PPIL6: variants seen among roughly 807,000 people sequenced by gnomAD.
The protein encoded by PPIL6 is probable inactive peptidyl-prolyl cis-trans isomerase-like 6.
PPIL6 carries 39 observed loss-of-function variants against 36.8 expected under a neutral mutation model. The ratio of observed to expected loss-of-function variants is 1.06; its 90% CI spans 0.82 to 1.38. PPIL6 has a LOEUF of 1.38. Among genes scored for constraint, PPIL6 ranks in the 40% most tolerant of loss-of-function variants. PPIL6 has a pLI of 0.00. For synonymous variants in PPIL6, 123 were observed against 134.1 expected (o/e 0.92, Z 0.57); for missense variants, 368 against 379.1 (o/e 0.97, Z 0.24).
In PPIL6 at chr6:109,435,757, T is replaced by G. The variant is rs1302491858; in HGVS notation, c.231+347A>C. Among the ~76,000 whole-genome samples the G allele has an allele frequency of 2.0e-5, 3 of 152,256 alleles. No individual in the cohort carries two copies. The East Asian group carries it at 5.8e-4, about 30-fold the overall frequency. On this transcript the variant is annotated intron_variant, in intron 2 of 7. Coordinates refer to ENST00000521072, the MANE Select transcript of PPIL6 (RefSeq NM_173672.5). ...CTGGGCAACATGGTGAAACCCCATC[T>G]GTTAAAAAAATACAAAAACTAGCTA...
chr6:109,436,372 G>C (rs1774448632), intron 1 of PPIL6, among the ~76,000 whole-genome samples, 173 bp from the exon 2 acceptor site: 2 of 152,138 alleles, frequency 1.3e-5, no homozygotes, highest in African/African-American at 4.8e-5. Context: ...TCACCTCCAA[G>C]TTGCTCCCCA....
At chr6:109,431,063 T>A (rs1774118988) in intron 3 of PPIL6, 94 bp downstream of exon 3, 1 of 895,452 alleles carries the variant, frequency 1.1e-6, no homozygotes, top group Non-Finnish European at 1.7e-6. Context: ...TACTTTTTTA[T>A]AATCTCCTTC....
intron 3 of PPIL6, among the ~76,000 whole-genome samples, chr6:109,430,586 C>A (rs151316962): frequency 0.051 from 7,703 of 152,230 alleles, 358 homozygotes; most frequent in East Asian, 0.2. Flanking sequence ...GCCACCACGC[C>A]CAGCTAATTT....
chr6:109,420,870 T>G (rs372818330), intron 5 of PPIL6, among the ~76,000 whole-genome samples: 1 of 152,226 alleles, frequency 6.6e-6, no homozygotes, highest in Non-Finnish European at 1.5e-5. Context: ...TAAATTATAC[T>G]ACTCAGAAAG....
At chr6:109,430,327 A>C (rs1007104178) in intron 3 of PPIL6, among the ~76,000 whole-genome samples, 16 of 152,140 alleles carry the variant, frequency 1.1e-4, no homozygotes, top group African/African-American at 3.9e-4. Context: ...CCTGATAACT[A>C]TCTCTCATCC....
chr6:109,404,171 T>C (rs2115207707), intron 6 of PPIL6, among the ~76,000 whole-genome samples: 1 of 152,108 alleles, frequency 6.6e-6, no homozygotes, highest in Non-Finnish European at 1.5e-5. Flanking sequence ...AGTCTAAGGA[T>C]GGGGTGAGGG....
At chr6:109,407,493 C>A (rs904821505) in intron 6 of PPIL6, among the ~76,000 whole-genome samples, 1 of 152,078 alleles carries the variant, frequency 6.6e-6, no homozygotes, top group Non-Finnish European at 1.5e-5. Flanking sequence ...CCCGCCTCGG[C>A]CTCCCAAGGT....
intron 7 of PPIL6, among the ~76,000 whole-genome samples, chr6:109,395,922 G>A (rs1230840279): frequency 6.2e-5 from 9 of 144,202 alleles, no homozygotes; most frequent in East Asian, 4.2e-4. Flanking sequence ...TGCAAGCTCC[G>A]CCTCCCGGGT....
intron 7 of PPIL6, among the ~76,000 whole-genome samples, chr6:109,393,927 A>G (rs1772195041): frequency 6.6e-6 from 1 of 152,148 alleles, no homozygotes; most frequent in South Asian, 2.1e-4. Flanking sequence ...GAAACCTTAC[A>G]TTTATTTGTA....
At chr6:109,434,624 G>A (rs1201813193) in intron 2 of PPIL6, among the ~76,000 whole-genome samples, 3 of 152,148 alleles carry the variant, frequency 2.0e-5, no homozygotes, top group South Asian at 2.1e-4. Context: ...TCATAAAACC[G>A]TGCTGCTTCC....
At position 109,392,738 on chromosome 6, in the gene PPIL6, C is replaced by G; in HGVS notation, c.*88G>C. 1 of 835,558 alleles carries G rather than the reference C, an allele frequency of 1.2e-6. No homozygotes were observed. Among genetic ancestry groups the G allele is most frequent in the African/African-American group, 1.7e-5 (1 of 57,702 alleles). The allele number at this position is 835,558 out of a possible 1,614,324, so 51.8% of individuals were successfully genotyped here. On this transcript the variant is annotated 3_prime_UTR_variant, in exon 8 of 8. Coordinates refer to ENST00000521072, the MANE Select transcript of PPIL6 (RefSeq NM_173672.5). ...AGTGTCTGCCACGGCTTTCAAATTACAATTTATCAAGTACTTTTTAATTAA... is the reference window on the plus strand; with the variant it reads ...AGTGTCTGCCACGGCTTTCAAATTAGAATTTATCAAGTACTTTTTAATTAA...
intron 1 of PPIL6, among the ~76,000 whole-genome samples, chr6:109,438,381 A>T (rs1436642598): frequency 6.6e-6 from 1 of 151,968 alleles, no homozygotes; most frequent in Non-Finnish European, 1.5e-5. Flanking sequence ...GTTCAAGACC[A>T]GCCTAGGCAA....
chr6:109,440,509 C>T lies in PPIL6; in HGVS notation c.82G>A (p.Val28Met). 2.0e-6 allele frequency: 3 copies of T among 1,524,756 alleles called. No homozygotes were observed. The highest frequency in any genetic ancestry group is 2.1e-5 in the Admixed American group (1 of 47,952). 94.5% of individuals were successfully genotyped at this position (1,524,756 alleles called of 1,614,324 possible). A position where few individuals can be genotyped will look rare whatever the true frequency, so the allele number is the denominator to read the frequency against. ...TTGGGGCAGCTGAAGAGCCCCACCA[C>T]CTTCACCTGCAGCGGCCGCTCCGGC... ...SLPERPLQVK[V>M]VGLFSCPNFQ... Residue 28 changes from valine to methionine, a missense_variant, in exon 1 of 8, where the codon GTG becomes ATG. Coordinates refer to ENST00000521072, the MANE Select transcript of PPIL6 (RefSeq NM_173672.5).
intron 7 of PPIL6, among the ~76,000 whole-genome samples, chr6:109,399,823 G>A (rs1772453984): frequency 6.6e-6 from 1 of 152,206 alleles, no homozygotes; most frequent in African/African-American, 2.4e-5. Flanking sequence ...TTATATGCCT[G>A]AGCCACTGTG....
Position 109,420,332 on chromosome 6 carries a change from CAAAAAAAAAAAAAAAAAAA to C in PPIL6, c.632-1108_632-1090del, listed in dbSNP as rs564751735. Among the ~76,000 whole-genome samples, 152 of 50,966 alleles carry C rather than the reference CAAAAAAAAAAAAAAAAAAA, an allele frequency of 3.0e-3. 1 individual carries two copies. The East Asian group carries it at 0.066, about 22-fold the overall frequency. 33.4% of individuals were successfully genotyped at this position (50,966 alleles called of 152,430 possible). ...TGGGCGACAGTGTGAGACTCCATCT[CAAAAAAAAAAAAAAAAAAA>C]AAAAAAAAAAAGAATATGAATAAAA... is the stretch of plus-strand genomic sequence containing the variant. On this transcript the variant is annotated intron_variant, in intron 5 of 7. Coordinates refer to ENST00000521072, the MANE Select transcript of PPIL6 (RefSeq NM_173672.5).
intron 5 of PPIL6, among the ~76,000 whole-genome samples, chr6:109,423,629 T>C (rs1386428118): frequency 2.0e-5 from 3 of 151,748 alleles, no homozygotes; most frequent in African/African-American, 4.8e-5. Flanking sequence ...ACCCATTTTA[T>C]ATATATATAT....
At chr6:109,420,402 G>T (rs1021350133) in intron 5 of PPIL6, among the ~76,000 whole-genome samples, 2 of 142,332 alleles carry the variant, frequency 1.4e-5, no homozygotes, top group African/African-American at 5.2e-5. Context: ...CAGAATTCAT[G>T]TTCAAAATTT....
intron 2 of PPIL6, among the ~76,000 whole-genome samples, 184 bp downstream of exon 2, chr6:109,435,920 G>A (rs1376129553): frequency 6.6e-6 from 1 of 151,960 alleles, no homozygotes; most frequent in Non-Finnish European, 1.5e-5. Context: ...GTGAGACCCT[G>A]TCTCAAAAAC....
intron 6 of PPIL6, among the ~76,000 whole-genome samples, chr6:109,402,626 AT>A (rs551712287): frequency 6.7e-4 from 102 of 152,200 alleles, no homozygotes; most frequent in Non-Finnish European, 1.1e-3. Flanking sequence ...TTTGAGAACC[AT>A]TGCTATAAAG....
Sources: allele counts gnomAD v4.1 joint callset (sites outside exome capture counted in the v4.1 genomes callset), GRCh38; gene constraint gnomAD v4.1.1; transcripts MANE v1.5; gene names NCBI Gene and HGNC (gene_info 2026-07-23, HGNC 2026-07-21).